The following EPHA3 variants were observed in gnomAD, a reference collection of about 807,000 sequenced individuals.
EPHA3 encodes the protein EPH receptor A3, also known as ephrin type-A receptor 3.
A neutral mutation model predicts 107.1 loss-of-function variants in EPHA3; 42 were observed. The ratio of observed to expected loss-of-function variants is 0.39; its 90% CI spans 0.31 to 0.51. The LOEUF (loss-of-function observed/expected upper bound fraction) is 0.51. Among genes scored for constraint, EPHA3 ranks in the 20% least tolerant of loss-of-function variants. The pLI is 0.78. For synonymous variants in EPHA3, 461 were observed against 424.8 expected (o/e 1.09, Z -1.05); for missense variants, 1,183 against 1,211.2 (o/e 0.98, Z 0.35).
chr3:89,254,189 AGC>A (rs1705225911), intron 3 of EPHA3, among the ~76,000 whole-genome samples: 2 of 152,264 alleles, frequency 1.3e-5, no homozygotes, highest in South Asian at 4.1e-4. Context: ...AAATCTCTAT[AGC>A]TTATATTAAA....
intron 2 of EPHA3, among the ~76,000 whole-genome samples, chr3:89,169,284 A>G (rs1299527405): frequency 1.3e-5 from 2 of 152,112 alleles, no homozygotes; most frequent in Non-Finnish European, 2.9e-5. Flanking sequence ...GGGCATCCAC[A>G]TTTGCAGTAA....
At chr3:89,188,782 T>C (rs1705635842) in intron 2 of EPHA3, among the ~76,000 whole-genome samples, 1 of 152,188 alleles carries the variant, frequency 6.6e-6, no homozygotes, top group Non-Finnish European at 1.5e-5. Context: ...TCACACCTCT[T>C]CCCATGACAA....
Position 89,169,592 on chromosome 3 carries a change from C to T in EPHA3, c.154-40268C>T, listed in dbSNP as rs1705162903. ...TACCCATAATGAAGAGATAAAAAAT[C>T]ACACAGGTGACCATACAGTGTTTTT... On this transcript the variant is annotated intron_variant, in intron 2 of 16. Transcript: ENST00000336596. Among the ~76,000 whole-genome samples the T allele has an allele frequency of 2.6e-5, 4 of 152,098 alleles. No homozygotes were observed. The South Asian group carries it at 8.3e-4, about 32-fold the overall frequency.
At chr3:89,291,966 T>C (rs1386436385) in intron 3 of EPHA3, among the ~76,000 whole-genome samples, 1 of 152,190 alleles carries the variant, frequency 6.6e-6, no homozygotes, top group Non-Finnish European at 1.5e-5. Context: ...AATTAAATTA[T>C]AATAATATAA....
chr3:89,327,596 GT>G (rs1235952868), intron 3 of EPHA3, among the ~76,000 whole-genome samples: 4 of 152,132 alleles, frequency 2.6e-5, no homozygotes, highest in Non-Finnish European at 4.4e-5. Flanking sequence ...AGTGTTATTG[GT>G]TTGTAAATAC....
intron 5 of EPHA3, among the ~76,000 whole-genome samples, chr3:89,386,762 G>A (rs1334793523): frequency 6.6e-6 from 1 of 152,226 alleles, no homozygotes; most frequent in East Asian, 1.9e-4. Context: ...GTAAATGGGA[G>A]GAGTGCTGTA....
chr3:89,330,462 T>C (rs1442006031), intron 3 of EPHA3, among the ~76,000 whole-genome samples: 1 of 152,048 alleles, frequency 6.6e-6, no homozygotes, highest in Non-Finnish European at 1.5e-5. Flanking sequence ...ATCACATAAG[T>C]CATAGTAATA....
chr3:89,230,824 TCACACACACACA>T (rs61566796), intron 3 of EPHA3, among the ~76,000 whole-genome samples: 1 of 139,570 alleles, frequency 7.2e-6, no homozygotes, highest in African/African-American at 2.7e-5. Context: ...TCTCTCTCTC[TCACACACACACA>T]CACACACACA....
rs374742013 is a variant in EPHA3 at position 89,210,405 on chromosome 3, T to G, written c.699T>G (p.Asn233Lys). The change falls in exon 3 of 17, where the codon AAT (asparagine) becomes AAG (lysine). Residue 233 changes from asparagine (N) to lysine (K), a missense_variant. Coordinates refer to ENST00000336596, the MANE Select transcript of EPHA3 (RefSeq NM_005233.6). ...LVEVRGSCVN[N>K]SKEEDPPRMY... ...AGGTTAGAGGGTCTTGTGTCAACAA[T>G]TCTAAGGAGGAAGATCCTCCAAGGA... The G allele has an allele frequency of 1.2e-6, 2 of 1,613,764 alleles. No homozygotes were observed.
At chr3:89,363,288 CAGAG>C (rs1019814618) in intron 5 of EPHA3, among the ~76,000 whole-genome samples, 1 of 149,956 alleles carries the variant, frequency 6.7e-6, no homozygotes, top group Non-Finnish European at 1.5e-5. Flanking sequence ...GGGCAGGAGA[CAGAG>C]AGAGAGTGAG....
intron 15 of EPHA3, among the ~76,000 whole-genome samples, chr3:89,457,474 G>A (rs1373940585): frequency 6.6e-6 from 1 of 152,170 alleles, no homozygotes; most frequent in African/African-American, 2.4e-5. Context: ...AGGAGTCTAG[G>A]TTATGCGCTC....
intron 3 of EPHA3, among the ~76,000 whole-genome samples, chr3:89,242,800 A>T (rs1445102796): frequency 3.9e-5 from 6 of 151,966 alleles, no homozygotes; most frequent in African/African-American, 7.3e-5. Context: ...CATGTGCACA[A>T]CGTGCAGGTT....
chr3:89,270,791 A>G (rs1310823062), intron 3 of EPHA3, among the ~76,000 whole-genome samples: 3 of 152,100 alleles, frequency 2.0e-5, no homozygotes, highest in Non-Finnish European at 2.9e-5. Context: ...CAAACAAAAC[A>G]CACTGGGCTC....
intron 2 of EPHA3, among the ~76,000 whole-genome samples, chr3:89,184,251 G>A (rs1305859162): frequency 6.6e-6 from 1 of 151,992 alleles, no homozygotes; most frequent in African/African-American, 2.4e-5. Context: ...AAGGATATGT[G>A]TGTAGAAGTA....
chr3:89,322,736 G>T (rs1320172410), intron 3 of EPHA3, among the ~76,000 whole-genome samples: 1 of 152,104 alleles, frequency 6.6e-6, no homozygotes, highest in African/African-American at 2.4e-5. Flanking sequence ...TTACCCCTGA[G>T]GAGATCCATT....
intron 3 of EPHA3, among the ~76,000 whole-genome samples, chr3:89,269,166 C>T (rs781318668): frequency 4.9e-4 from 75 of 152,058 alleles, no homozygotes; most frequent in Admixed American, 2.0e-4. Context: ...AAGTGCCTTA[C>T]GTGGGGTAAA....
rs933153635 is a variant in EPHA3, at chr3:89,452,136, T to G, written c.2690+1766T>G. Among the ~76,000 whole-genome samples the G allele has an allele frequency of 2.0e-4, 30 of 152,206 alleles. 1 individual carries two copies. Among genetic ancestry groups the G allele is most frequent in the Admixed American group, 3.9e-4 (6 of 15,272 alleles). ...TGGATACCTATGTTGATTTCATATC[T>G]TGGCTATTGTGAATAATGCTGCAAT... On this transcript the variant is annotated intron_variant, in intron 15 of 16. Coordinates refer to ENST00000336596, the MANE Select transcript of EPHA3 (RefSeq NM_005233.6).
chr3:89,361,800 G>A (rs1708096743), intron 5 of EPHA3, among the ~76,000 whole-genome samples: 1 of 151,034 alleles, frequency 6.6e-6, no homozygotes, highest in Non-Finnish European at 1.5e-5. Flanking sequence ...CCAACAGTGT[G>A]GGGACCACAT....
rs551428101 is a variant in EPHA3, at chr3:89,400,056, T to A, written c.1594+576T>A. 3 of 1,032,046 alleles carry A rather than the reference T, an allele frequency of 2.9e-6. No individual in the cohort carries two copies. In the African/African-American group the frequency reaches 5.1e-5, roughly 17 times the overall value. The allele number at this position is 1,032,046 out of a possible 1,614,324, so 63.9% of individuals were successfully genotyped here. A position where few individuals can be genotyped will look rare whatever the true frequency, so the allele number is the denominator to read the frequency against. On this transcript the variant is annotated intron_variant, in intron 7 of 16. Coordinates refer to ENST00000336596, the MANE Select transcript of EPHA3 (RefSeq NM_005233.6). ...ATTTTTCCAGTAACTTTTCTTTTTT[T>A]CAAATGAATTTTCTTCATACTTAAA...
Sources: allele counts gnomAD v4.1 joint callset (sites outside exome capture counted in the v4.1 genomes callset), GRCh38; gene constraint gnomAD v4.1.1; transcripts MANE v1.5; gene names NCBI Gene and HGNC (gene_info 2026-07-23, HGNC 2026-07-21).